The following SEMA6D variants were observed in gnomAD, a reference collection of about 807,000 sequenced individuals.
SEMA6D encodes semaphorin 6D, also known as semaphorin-6D.
A neutral mutation model predicts 106.6 loss-of-function variants in SEMA6D; 35 were observed. The observed-to-expected ratio is 0.33, with a 90% CI of 0.25 to 0.44. The LOEUF (loss-of-function observed/expected upper bound fraction) is 0.44, where lower values mean the gene tolerates loss of function less well. SEMA6D is among the 20% of genes least tolerant of loss of function. The pLI, the probability that SEMA6D is intolerant of heterozygous loss-of-function variation, is 1.00. For synonymous variants in SEMA6D, 499 were observed against 487.7 expected, an observed-to-expected ratio of 1.02 and a Z score of -0.31; for missense variants, 1,185 against 1,345.9, an observed-to-expected ratio of 0.88 and a Z score of 1.87.
intron 3 of SEMA6D, among the ~76,000 whole-genome samples, chr15:47,559,830 A>T (rs1170072508): frequency 1.3e-5 from 2 of 152,118 alleles, no homozygotes; most frequent in Admixed American, 6.6e-5. Context: ...GAATGGCCTA[A>T]AATTTGAATG....
At chr15:47,360,337 C>A (rs1483291165) in intron 1 of SEMA6D, among the ~76,000 whole-genome samples, 1 of 152,192 alleles carries the variant, frequency 6.6e-6, no homozygotes, top group Non-Finnish European at 1.5e-5. Context: ...TCTATGGGAG[C>A]AACATGCTGA....
At chr15:47,233,830 T>C (rs1178345107) in intron 1 of SEMA6D, among the ~76,000 whole-genome samples, 2 of 152,040 alleles carry the variant, frequency 1.3e-5, no homozygotes, top group Non-Finnish European at 2.9e-5. Flanking sequence ...ATTTTGGGGA[T>C]TGTCTATATA....
At chr15:47,325,203 C>T (rs1160587808) in intron 1 of SEMA6D, among the ~76,000 whole-genome samples, 2 of 149,692 alleles carry the variant, frequency 1.3e-5, no homozygotes, top group African/African-American at 4.9e-5. Context: ...GACAGAGTCT[C>T]GCTCTTGTTG....
chr15:47,631,785 G>T (rs982316300), intron 4 of SEMA6D, among the ~76,000 whole-genome samples: 1 of 151,968 alleles, frequency 6.6e-6, no homozygotes, highest in Non-Finnish European at 1.5e-5. Flanking sequence ...GAATGAATGT[G>T]TGTTGTTTGA....
intron 2 of SEMA6D, among the ~76,000 whole-genome samples, chr15:47,430,675 T>C (rs1414355540): frequency 6.6e-6 from 1 of 152,088 alleles, no homozygotes; most frequent in Non-Finnish European, 1.5e-5. Context: ...TTCAATGTTA[T>C]AACTTGCCAC....
At position 47,742,207 on chromosome 15, in the gene SEMA6D, G is replaced by A. The variant is rs150054287; in HGVS notation, c.-54-17538G>A. 1.5e-4 allele frequency among the ~76,000 whole-genome samples: 23 copies of A among 152,310 alleles called. No individual in the cohort carries two copies. In the East Asian group the frequency reaches 4.2e-3, roughly 28 times the overall value. On this transcript the variant is annotated intron_variant, in intron 1 of 18. Transcript: ENST00000536845. ...ATGCAAACTGCAACTAAATAAAGCAGTGATAATAATACTACTTCTTCACAC... is the reference window on the plus strand; with the variant it reads ...ATGCAAACTGCAACTAAATAAAGCAATGATAATAATACTACTTCTTCACAC...
chr15:47,586,980 A>G (rs151154033), intron 3 of SEMA6D, among the ~76,000 whole-genome samples: 1 of 150,130 alleles, frequency 6.7e-6, no homozygotes, highest in East Asian at 2.0e-4. Flanking sequence ...AAGGCTGCCA[A>G]AGGGTAGGCT....
At chr15:47,730,489 T>C in intron 1 of SEMA6D, 4 of 1,302,380 alleles carry the variant, frequency 3.1e-6, no homozygotes, top group Non-Finnish European at 4.4e-6. Flanking sequence ...CCAGCTGAGC[T>C]TTCTTATTGT....
intron 7 of SEMA6D, 145 bp downstream of exon 7, chr15:47,761,896 A>T (rs1461536696): frequency 5.5e-6 from 4 of 730,578 alleles, no homozygotes; most frequent in Non-Finnish European, 8.7e-6. Context: ...CAAATTTCCA[A>T]AAAAAGAAGA....
chr15:47,350,151 A>G (rs968737102), intron 1 of SEMA6D, among the ~76,000 whole-genome samples: 1 of 152,220 alleles, frequency 6.6e-6, no homozygotes, highest in Non-Finnish European at 1.5e-5. Context: ...ATTTCTACTA[A>G]TTTCAAATCA....
intron 1 of SEMA6D, among the ~76,000 whole-genome samples, chr15:47,245,674 C>A (rs1296383901): frequency 6.6e-6 from 1 of 152,160 alleles, no homozygotes; most frequent in African/African-American, 2.4e-5. Flanking sequence ...TTTCTGCATG[C>A]TAAGCATGGA....
chr15:47,649,643 A>G (rs1463472431), intron 4 of SEMA6D, among the ~76,000 whole-genome samples: 1 of 152,182 alleles, frequency 6.6e-6, no homozygotes, highest in Non-Finnish European at 1.5e-5. Context: ...ACAGAGCAAG[A>G]CCCTGTCTAG....
chr15:47,478,520 G>A (rs2043060784), intron 3 of SEMA6D, among the ~76,000 whole-genome samples: 1 of 152,142 alleles, frequency 6.6e-6, no homozygotes, highest in South Asian at 2.1e-4. Context: ...GAACGGTCAG[G>A]CTAATATTAG....
chr15:47,686,284 TGTCTC>T (rs1252881256), intron 4 of SEMA6D, among the ~76,000 whole-genome samples: 2 of 152,208 alleles, frequency 1.3e-5, no homozygotes, highest in Non-Finnish European at 2.9e-5. Context: ...AATATTTAGA[TGTCTC>T]AGAAGAATTA....
At chr15:47,240,493 G>A (rs910127089) in intron 1 of SEMA6D, among the ~76,000 whole-genome samples, 2 of 152,130 alleles carry the variant, frequency 1.3e-5, no homozygotes, top group African/African-American at 4.8e-5. Context: ...CATCTATGAA[G>A]TCAAGCCTTT....
intron 1 of SEMA6D, among the ~76,000 whole-genome samples, chr15:47,410,256 T>C (rs1016537559): frequency 6.6e-6 from 1 of 152,158 alleles, no homozygotes; most frequent in Non-Finnish European, 1.5e-5. Context: ...TTGCTAGGAT[T>C]ACAGGCAGGA....
intron 1 of SEMA6D, among the ~76,000 whole-genome samples, chr15:47,345,746 G>T (rs2144639768): frequency 6.6e-6 from 1 of 152,218 alleles, no homozygotes; most frequent in Non-Finnish European, 1.5e-5. Context: ...AAAAGAATCT[G>T]TATTGCATGA....
chr15:47,512,519 G>A (rs1308881801), intron 3 of SEMA6D, among the ~76,000 whole-genome samples: 1 of 152,238 alleles, frequency 6.6e-6, no homozygotes, highest in Non-Finnish European at 1.5e-5. Flanking sequence ...AGACAGACAT[G>A]TAGACAGGCA....
chr15:47,510,500 G>C lies in SEMA6D; in HGVS notation c.-87+39955G>C, dbSNP rs1378743907. 4.1e-4 allele frequency among the ~76,000 whole-genome samples: 62 copies of C among 152,136 alleles called. 2 individuals are homozygous for C. The highest frequency in any genetic ancestry group is 4.1e-3 in the Admixed American group (62 of 15,266). On this transcript the variant is annotated intron_variant, in intron 3 of 19. Coordinates refer to the SEMA6D transcript ENST00000558014. ...TTAATCTTGTTCAATATATATTTGT[G>C]GATCACCAAATATGTGCCAGCCCCC...
Sources: gnomAD v4.1 joint callset for allele counts (sites outside exome capture counted in the v4.1 genomes callset) on GRCh38, gnomAD v4.1.1 for gene constraint, MANE v1.5 for transcripts, NCBI Gene and HGNC (gene_info 2026-07-23, HGNC 2026-07-21) for gene names.